The following CDH10 variants were observed in gnomAD, a reference collection of about 807,000 sequenced individuals.
CDH10 encodes cadherin 10.
A neutral mutation model predicts 73.1 loss-of-function variants in CDH10; 30 were observed. The observed-to-expected ratio is 0.41, with a 90% CI of 0.31 to 0.56. The LOEUF (loss-of-function observed/expected upper bound fraction) is 0.56. Ranked by LOEUF, CDH10 falls within the 20% of genes least tolerant of loss-of-function variation. The pLI, the probability that CDH10 is intolerant of heterozygous loss-of-function variation, is 0.27. For missense variants in CDH10, 815 were observed against 973.7 expected, an observed-to-expected ratio of 0.84 and a Z score of 2.17; for synonymous variants, 345 against 348.2, an observed-to-expected ratio of 0.99 and a Z score of 0.10.
chr5:24,642,815 T>C (rs890655033), intron 1 of CDH10, among the ~76,000 whole-genome samples: 2 of 152,006 alleles, frequency 1.3e-5, no homozygotes, highest in African/African-American at 2.4e-5. Flanking sequence ...TTGTTTTTTT[T>C]CCCCCAAACC....
chr5:24,594,945 T>A (rs1234556007), intron 1 of CDH10, among the ~76,000 whole-genome samples: 1 of 151,996 alleles, frequency 6.6e-6, no homozygotes, highest in African/African-American at 2.4e-5. Flanking sequence ...AATGTATGAG[T>A]AAATGAATGA....
At chr5:24,593,764 T>C (rs564717400) in intron 1 of CDH10, among the ~76,000 whole-genome samples, 151 bp from the exon 2 acceptor site, 1 of 152,072 alleles carries the variant, frequency 6.6e-6, no homozygotes, top group African/African-American at 2.4e-5. Flanking sequence ...CTTTGAGAAA[T>C]ATTACTTGTC....
chr5:24,577,826 T>C (rs1393623753), intron 2 of CDH10, among the ~76,000 whole-genome samples: 1 of 152,180 alleles, frequency 6.6e-6, no homozygotes, highest in African/African-American at 2.4e-5. Context: ...CCATTTTTAC[T>C]GGGCCCCACA....
chr5:24,501,773 T>C (rs1211978134), intron 8 of CDH10, among the ~76,000 whole-genome samples: 1 of 152,214 alleles, frequency 6.6e-6, no homozygotes, highest in African/African-American at 2.4e-5. Context: ...AGTTCTATTG[T>C]CCACAGAATG....
chr5:24,493,319 G>A (rs1406149898), intron 9 of CDH10, among the ~76,000 whole-genome samples: 1 of 151,864 alleles, frequency 6.6e-6, no homozygotes, highest in Non-Finnish European at 1.5e-5. Context: ...AATGAAAAAT[G>A]GTCGAGGAAT....
At chr5:24,528,798 T>G (rs184043745) in intron 5 of CDH10, among the ~76,000 whole-genome samples, 3 of 152,090 alleles carry the variant, frequency 2.0e-5, no homozygotes, top group Admixed American at 2.0e-4. Flanking sequence ...AAGATTAAAT[T>G]TTTGATGTGC....
intron 1 of CDH10, among the ~76,000 whole-genome samples, chr5:24,598,236 C>G (rs1300589105): frequency 6.6e-6 from 1 of 151,892 alleles, no homozygotes; most frequent in Non-Finnish European, 1.5e-5. Context: ...ACTAAGGACT[C>G]AAATAATATG....
chr5:24,514,992 C>T (rs1743057112), intron 5 of CDH10, among the ~76,000 whole-genome samples: 1 of 152,104 alleles, frequency 6.6e-6, no homozygotes, highest in South Asian at 2.1e-4. Flanking sequence ...AGTTTAAATA[C>T]ATTTTAATAA....
At chr5:24,575,089 C>CCATG (rs987211371) in intron 2 of CDH10, among the ~76,000 whole-genome samples, 6 of 151,962 alleles carry the variant, frequency 3.9e-5, no homozygotes, top group African/African-American at 1.5e-4. Flanking sequence ...AGCACCAGTA[C>CCATG]CATGGCTCAT....
At chr5:24,508,150 G>A (rs1468141843) in intron 7 of CDH10, among the ~76,000 whole-genome samples, 1 of 152,116 alleles carries the variant, frequency 6.6e-6, no homozygotes, top group Non-Finnish European at 1.5e-5. Flanking sequence ...AAATGAGCAA[G>A]GAAAATTAGC....
At chr5:24,527,261 T>A (rs1483509864) in intron 5 of CDH10, among the ~76,000 whole-genome samples, 1 of 147,982 alleles carries the variant, frequency 6.8e-6, no homozygotes, top group East Asian at 1.9e-4. Flanking sequence ...ATACATATAG[T>A]CTTACATATA....
intron 1 of CDH10, among the ~76,000 whole-genome samples, chr5:24,638,920 T>C (rs1486736131): frequency 6.6e-6 from 1 of 151,778 alleles, no homozygotes; most frequent in Non-Finnish European, 1.5e-5. Flanking sequence ...TTTGAAAGTA[T>C]GTAATTCATG....
At chr5:24,643,931 A>T (rs1453632526) in intron 1 of CDH10, among the ~76,000 whole-genome samples, 3 of 152,166 alleles carry the variant, frequency 2.0e-5, no homozygotes, top group Non-Finnish European at 4.4e-5. Flanking sequence ...GCAACTGCTG[A>T]CTACATGCAT....
intron 1 of CDH10, among the ~76,000 whole-genome samples, chr5:24,610,675 C>A (rs1012853527): frequency 1.3e-5 from 2 of 152,132 alleles, no homozygotes; most frequent in African/African-American, 4.8e-5. Context: ...GCAATATTCT[C>A]ATCCTTGGCA....
chr5:24,513,690 A>G (rs186280229), intron 5 of CDH10, among the ~76,000 whole-genome samples: 6 of 152,030 alleles, frequency 3.9e-5, no homozygotes, highest in Admixed American at 3.9e-4. Context: ...CTTAGCCTGT[A>G]TCCTTCATTT....
intron 2 of CDH10, among the ~76,000 whole-genome samples, chr5:24,592,122 T>A (rs996681752): frequency 2.0e-5 from 3 of 151,858 alleles, no homozygotes; most frequent in Non-Finnish European, 4.4e-5. Flanking sequence ...ATATTTAACC[T>A]TTAATATCAT....
chr5:24,619,289 G>A (rs1747230604), intron 1 of CDH10, among the ~76,000 whole-genome samples: 1 of 152,068 alleles, frequency 6.6e-6, no homozygotes, highest in Non-Finnish European at 1.5e-5. Flanking sequence ...CGCCTCCCGG[G>A]TTCACGCCAT....
At chr5:24,553,230 T>A (rs1005968379) in intron 2 of CDH10, among the ~76,000 whole-genome samples, 1 of 84,056 alleles carries the variant, frequency 1.2e-5, no homozygotes, top group Non-Finnish European at 2.8e-5. Context: ...CAGAAGCTTG[T>A]AGAGAAGCTT....
chr5:24,544,116 A>G (rs1561152657), intron 2 of CDH10, among the ~76,000 whole-genome samples: 1 of 152,142 alleles, frequency 6.6e-6, no homozygotes, highest in Non-Finnish European at 1.5e-5. Flanking sequence ...CAACATGGTG[A>G]AACCCCGTCT....
Sources: allele counts gnomAD v4.1 joint callset (sites outside exome capture counted in the v4.1 genomes callset), GRCh38; gene constraint gnomAD v4.1.1; transcripts MANE v1.5; gene names NCBI Gene and HGNC (gene_info 2026-07-23, HGNC 2026-07-21).